Variants in NOVA1 observed in about 807,000 individuals in gnomAD.
NOVA1 encodes the protein NOVA alternative splicing regulator 1, also known as RNA-binding protein Nova-1.
In NOVA1, 7 loss-of-function variants were observed where a neutral mutation model predicts 38.0. That is an observed-to-expected ratio of 0.18 (90% CI 0.10 to 0.35). NOVA1 has a LOEUF of 0.35. NOVA1 is among the 10% of genes least tolerant of loss of function. The pLI, the probability that NOVA1 is intolerant of heterozygous loss-of-function variation, is 1.00. For synonymous variants in NOVA1, 270 were observed against 232.5 expected (o/e 1.16, Z -1.47); for missense variants, 460 against 616.0 (o/e 0.75, Z 2.68).
At chr14:26,568,230 A>G (rs1892254961) in intron 2 of NOVA1, among the ~76,000 whole-genome samples, 1 of 152,208 alleles carries the variant, frequency 6.6e-6, no homozygotes, top group Non-Finnish European at 1.5e-5. Context: ...GTAACCTAGA[A>G]TTCCATTTCT....
chr14:26,551,169 C>T (rs1408904769), intron 2 of NOVA1, among the ~76,000 whole-genome samples: 1 of 151,890 alleles, frequency 6.6e-6, no homozygotes, highest in African/African-American at 2.4e-5. Context: ...GTTTAAGAAA[C>T]TTTGATGAAT....
At chr14:26,530,140 G>T (rs923327417) in intron 2 of NOVA1, among the ~76,000 whole-genome samples, 1 of 152,090 alleles carries the variant, frequency 6.6e-6, no homozygotes, top group African/African-American at 2.4e-5. Context: ...GGATGGTCTC[G>T]ATCTCCTGAC....
At position 26,450,184 on chromosome 14, in the gene NOVA1, T is replaced by C. The variant is rs1052976862; in HGVS notation, c.520-1221A>G. Among the ~76,000 whole-genome samples, 16 of 152,152 alleles carry C rather than the reference T, an allele frequency of 1.1e-4. 1 individual carries two copies. Among genetic ancestry groups the C allele is most frequent in the Admixed American group, 7.9e-4 (12 of 15,280 alleles). ...GAGCAGGACATTTAGTTGTTTGAGG[T>C]ATTCTATGAGGGATTTCATTAGCTA... On this transcript the variant is annotated intron_variant, in intron 4 of 4. Coordinates refer to ENST00000539517, the MANE Select transcript of NOVA1 (RefSeq NM_002515.3).
At chr14:26,478,488 G>C (rs554812361) in intron 3 of NOVA1, among the ~76,000 whole-genome samples, 1 of 151,992 alleles carries the variant, frequency 6.6e-6, no homozygotes, top group African/African-American at 2.4e-5. Context: ...AAAGCCAATA[G>C]ACCTTATACT....
chr14:26,582,435 A>C (rs1893279395), intron 2 of NOVA1, among the ~76,000 whole-genome samples: 1 of 151,830 alleles, frequency 6.6e-6, no homozygotes, highest in Non-Finnish European at 1.5e-5. Flanking sequence ...GCATTCTGTC[A>C]TAAAAGAACA....
intron 2 of NOVA1, among the ~76,000 whole-genome samples, chr14:26,564,139 A>G (rs1337286513): frequency 6.6e-6 from 1 of 152,158 alleles, no homozygotes; most frequent in African/African-American, 2.4e-5. Context: ...CCTATTGAAC[A>G]CAACATATTG....
At chr14:26,574,888 C>T (rs991257281) in intron 2 of NOVA1, among the ~76,000 whole-genome samples, 25 of 152,042 alleles carry the variant, frequency 1.6e-4, no homozygotes, top group African/African-American at 5.8e-4. Flanking sequence ...TCTGAAACTC[C>T]TGGTCTCCCA....
chr14:26,455,684 C>T (rs532541874), intron 4 of NOVA1, among the ~76,000 whole-genome samples: 31 of 151,210 alleles, frequency 2.1e-4, no homozygotes, highest in African/African-American at 7.5e-4. Context: ...AGGGATATAA[C>T]TTAGGAATAA....
intron 2 of NOVA1, among the ~76,000 whole-genome samples, chr14:26,540,000 T>C (rs1049975631): frequency 1.3e-5 from 2 of 152,196 alleles, no homozygotes; most frequent in Non-Finnish European, 2.9e-5. Flanking sequence ...AGAATAGTAG[T>C]TGGGTTTAAG....
At chr14:26,513,344 G>A (rs1246028860) in intron 2 of NOVA1, among the ~76,000 whole-genome samples, 45 of 151,936 alleles carry the variant, frequency 3.0e-4, no homozygotes, top group Non-Finnish European at 5.9e-5. Flanking sequence ...AGAAATAAGA[G>A]TATGAAAAAG....
intron 2 of NOVA1, among the ~76,000 whole-genome samples, chr14:26,570,983 T>C (rs754106862): frequency 5.3e-5 from 8 of 149,618 alleles, no homozygotes; most frequent in Non-Finnish European, 8.8e-5. Flanking sequence ...TTCACATACA[T>C]GCACAGCTGC....
At chr14:26,460,460 T>A (rs1032629305) in intron 4 of NOVA1, among the ~76,000 whole-genome samples, 2 of 152,018 alleles carry the variant, frequency 1.3e-5, no homozygotes, top group Admixed American at 6.6e-5. Context: ...TTTAAACTTC[T>A]GTTACTTGGC....
intron 2 of NOVA1, among the ~76,000 whole-genome samples, chr14:26,482,677 T>G (rs1005109343): frequency 6.6e-6 from 1 of 152,152 alleles, no homozygotes; most frequent in Non-Finnish European, 1.5e-5. Context: ...TTGTATAAGA[T>G]AGAGGTATAT....
At chr14:26,595,274 A>G in intron 2 of NOVA1, 136 bp downstream of exon 2, 1 of 801,810 alleles carries the variant, frequency 1.2e-6, no homozygotes. Flanking sequence ...TTTTTCCACA[A>G]TATATTCCTA....
At chr14:26,478,561 T>A (rs183662887) in intron 3 of NOVA1, among the ~76,000 whole-genome samples, 1 of 152,080 alleles carries the variant, frequency 6.6e-6, no homozygotes, top group East Asian at 1.9e-4. Flanking sequence ...TAACTACACT[T>A]CTACTTTTAA....
At chr14:26,466,028 T>C (rs1884103394) in intron 4 of NOVA1, among the ~76,000 whole-genome samples, 1 of 151,994 alleles carries the variant, frequency 6.6e-6, no homozygotes, top group African/African-American at 2.4e-5. Context: ...CAGGTAAGCC[T>C]TATGGAGAAG....
intron 4 of NOVA1, among the ~76,000 whole-genome samples, chr14:26,463,564 C>A (rs1277414616): frequency 6.6e-6 from 1 of 152,054 alleles, no homozygotes; most frequent in Non-Finnish European, 1.5e-5. Context: ...CTTTGTATAG[C>A]CGTGATACGA....
intron 2 of NOVA1, among the ~76,000 whole-genome samples, chr14:26,520,645 T>G (rs913671668): frequency 3.9e-5 from 6 of 152,276 alleles, no homozygotes; most frequent in Admixed American, 1.3e-4. Flanking sequence ...TTTATCACTA[T>G]GCACATGCTT....
At position 26,479,985 on chromosome 14, in the gene NOVA1, T is replaced by A; in HGVS notation, c.439A>T (p.Ile147Phe). 6.2e-7 allele frequency: 1 copy of A among 1,613,812 alleles called. No homozygotes were observed. Among genetic ancestry groups the A allele is most frequent in the South Asian group, 1.1e-5 (1 of 91,038 alleles). ...QPQTTVNPDRIKQTLPSSPTT... is the reference protein window; with the variant it reads ...QPQTTVNPDRFKQTLPSSPTT... ...CTCAACTAAACACTCACTTGTTTGA[T>A]GCGATCTGGATTAACGGTGGTCTGG... The change falls in exon 3 of 5, where the codon ATC (isoleucine) becomes TTC (phenylalanine). Residue 147 changes from isoleucine (I) to phenylalanine (F), a missense_variant. Coordinates refer to ENST00000539517, the MANE Select transcript of NOVA1 (RefSeq NM_002515.3).
Sources: allele counts gnomAD v4.1 joint callset (sites outside exome capture counted in the v4.1 genomes callset), GRCh38; gene constraint gnomAD v4.1.1; transcripts MANE v1.5; gene names NCBI Gene and HGNC (gene_info 2026-07-23, HGNC 2026-07-21).